The following OSBPL8 variants were observed in gnomAD, a reference collection of about 807,000 sequenced individuals.
The protein encoded by OSBPL8 is oxysterol-binding protein-related protein 8.
Under a neutral mutation model 125.5 loss-of-function variants are expected in OSBPL8, and 59 were observed. The ratio of observed to expected loss-of-function variants is 0.47; its 90% CI spans 0.38 to 0.58. The LOEUF (loss-of-function observed/expected upper bound fraction) is 0.58. Ranked by LOEUF, OSBPL8 falls within the 20% of genes least tolerant of loss-of-function variation. The probability of loss-of-function intolerance (pLI) is 0.00; values close to 1 mark genes in which losing one functional copy is unlikely to be tolerated. For missense variants in OSBPL8, 758 were observed against 1,047.8 expected, an observed-to-expected ratio of 0.72 and a Z score of 3.82; for synonymous variants, 330 against 338.9, an observed-to-expected ratio of 0.97 and a Z score of 0.29.
chr12:76,369,891 CCTCAAATCCCTTGTAGAGAA>C (rs2136190958), intron 19 of OSBPL8, 69 bp from the exon 20 acceptor site: 1 of 1,363,442 alleles, frequency 7.3e-7, no homozygotes, highest in African/African-American at 1.5e-5. Context: ...ATAGAATAGG[CCTCAAATCCCTTGTAGAGAA>C]AATAATGCTC....
chr12:76,475,080 T>G (rs1876639629), intron 2 of OSBPL8, among the ~76,000 whole-genome samples: 1 of 152,234 alleles, frequency 6.6e-6, no homozygotes, highest in Admixed American at 6.5e-5. Context: ...TGCTGAAATT[T>G]GAATCCTTCA....
At chr12:76,365,545 A>G (rs1011828135) in intron 21 of OSBPL8, among the ~76,000 whole-genome samples, 1 of 152,102 alleles carries the variant, frequency 6.6e-6, no homozygotes, top group Non-Finnish European at 1.5e-5. Context: ...GGATAATGTC[A>G]CCTGTTAATT....
At chr12:76,379,378 T>C (rs1037117267) in intron 15 of OSBPL8, among the ~76,000 whole-genome samples, 2 of 152,228 alleles carry the variant, frequency 1.3e-5, no homozygotes, top group Non-Finnish European at 2.9e-5. Context: ...TATTCTCAGC[T>C]TTACTGAAGT....
intron 1 of OSBPL8, among the ~76,000 whole-genome samples, chr12:76,534,450 T>C (rs900886439): frequency 2.0e-5 from 3 of 152,152 alleles, no homozygotes; most frequent in Non-Finnish European, 4.4e-5. Flanking sequence ...TCATATACTA[T>C]TGGAATCTAG....
chr12:76,390,559 T>C lies in OSBPL8; in HGVS notation c.1028A>G (p.Asp343Gly). 1 of 1,613,790 alleles carries C rather than the reference T, an allele frequency of 6.2e-7. No individual in the cohort carries two copies. The highest frequency in any genetic ancestry group is 8.5e-7 in the Non-Finnish European group (1 of 1,179,788). Residue 343 changes from aspartate (D) to glycine (G), a missense_variant, in exon 11 of 24, where the codon GAT becomes GGT. Asp to Gly is a moderately conservative substitution (Grantham distance 94, BLOSUM62 -1). Coordinates refer to ENST00000261183, the MANE Select transcript of OSBPL8 (RefSeq NM_020841.5). ...KENDQEHDES[D>G]NEVMGKSEES... ...TTCACTTTTCCCCATCACCTCATTATCAGACTCATCATGTTCTTGATCATT... is the reference window on the plus strand; with the variant it reads ...TTCACTTTTCCCCATCACCTCATTACCAGACTCATCATGTTCTTGATCATT...
rs549343897 is a variant in OSBPL8, at chr12:76,352,947, C to T, written c.*2942G>A. The T allele has an allele frequency of 3.9e-5, 6 of 152,422 alleles. No individual in the cohort carries two copies. In the South Asian group the frequency reaches 1.2e-3, roughly 32 times the overall value. The allele number at this position is 152,422 out of a possible 1,614,324, so 9.4% of individuals were successfully genotyped here. A position where few individuals can be genotyped will look rare whatever the true frequency, so the allele number is the denominator to read the frequency against. On this transcript the variant is annotated 3_prime_UTR_variant, in exon 24 of 24. Transcript: ENST00000261183. Reference sequence around the variant, plus strand: ...AGTAAAGAATAGGTAAATAGACAAACCCCTATAAAAGATAGTATTATTGTT... The same window carrying T: ...AGTAAAGAATAGGTAAATAGACAAATCCCTATAAAAGATAGTATTATTGTT...
chr12:76,394,085 C>T lies in OSBPL8; in HGVS notation c.757+560G>A, dbSNP rs1953690080. 2.0e-5 allele frequency among the ~76,000 whole-genome samples: 3 copies of T among 151,914 alleles called. No individual in the cohort carries two copies. In the South Asian group the frequency reaches 6.2e-4, roughly 32 times the overall value. On this transcript the variant is annotated intron_variant, in intron 9 of 23. Transcript: ENST00000261183. Reference sequence around the variant, plus strand: ...TAAACTTTGGAAGGTTAGAAGATTCCCTATACCAACCTTGTCTAAACTATG... The same window carrying T: ...TAAACTTTGGAAGGTTAGAAGATTCTCTATACCAACCTTGTCTAAACTATG...
chr12:76,473,287 T>C (rs1243968678), intron 2 of OSBPL8, among the ~76,000 whole-genome samples: 1 of 152,234 alleles, frequency 6.6e-6, no homozygotes, highest in Non-Finnish European at 1.5e-5. Context: ...AGATCTAGTA[T>C]AACTCTTATT....
intron 4 of OSBPL8, among the ~76,000 whole-genome samples, chr12:76,435,417 A>AT (rs1365497092): frequency 6.6e-6 from 1 of 152,094 alleles, no homozygotes. Flanking sequence ...AAATGGGGAG[A>AT]TATTAGTCAA....
chr12:76,535,317 C>CA lies in OSBPL8; in HGVS notation c.-68+24079dup, dbSNP rs200827191. Among the ~76,000 whole-genome samples, 951 of 149,704 alleles carry CA rather than the reference C, an allele frequency of 6.4e-3. 8 individuals are homozygous for CA. Among genetic ancestry groups the CA allele is most frequent in the African/African-American group, 0.022 (905 of 40,912 alleles). ...ATGAATAAAAGATTTAAACAATTTA[C>CA]AAAAAAAAATACAAATGGCTAATAA... On this transcript the variant is annotated intron_variant, in intron 1 of 23. Coordinates refer to ENST00000261183, the MANE Select transcript of OSBPL8 (RefSeq NM_020841.5).
At chr12:76,491,282 T>C (rs1475584383) in intron 1 of OSBPL8, among the ~76,000 whole-genome samples, 1 of 152,194 alleles carries the variant, frequency 6.6e-6, no homozygotes, top group East Asian at 1.9e-4. Flanking sequence ...ACCTACAACC[T>C]GAACTCTCAC....
intron 20 of OSBPL8, 133 bp from the exon 21 acceptor site, chr12:76,369,434 T>C (rs1364676267): frequency 7.1e-7 from 1 of 1,403,530 alleles, no homozygotes; most frequent in Non-Finnish European, 9.3e-7. Context: ...CCATACCTAA[T>C]CTTCAGATCC....
At chr12:76,493,318 T>C (rs910873977) in intron 1 of OSBPL8, among the ~76,000 whole-genome samples, 2 of 152,142 alleles carry the variant, frequency 1.3e-5, no homozygotes, top group Non-Finnish European at 2.9e-5. Flanking sequence ...GTTTTACTGG[T>C]GAGTTTTATA....
chr12:76,438,238 G>A (rs1198116421), intron 4 of OSBPL8, among the ~76,000 whole-genome samples: 1 of 151,568 alleles, frequency 6.6e-6, no homozygotes, highest in African/African-American at 2.4e-5. Flanking sequence ...CGCCCGCCTC[G>A]GCCTCCCAAA....
intron 16 of OSBPL8, 141 bp from the exon 17 acceptor site, chr12:76,375,511 T>C (rs931693981): frequency 1.7e-6 from 1 of 576,472 alleles, no homozygotes; most frequent in South Asian, 2.3e-5. Context: ...AACTATAATA[T>C]AGACATACAG....
At chr12:76,457,324 C>T (rs1033006681) in intron 3 of OSBPL8, among the ~76,000 whole-genome samples, 8 of 152,018 alleles carry the variant, frequency 5.3e-5, no homozygotes, top group Non-Finnish European at 7.4e-5. Flanking sequence ...GCAACGTGTA[C>T]GGTGTGTGTG....
chr12:76,476,026 G>C (rs1164104633), intron 2 of OSBPL8, among the ~76,000 whole-genome samples: 2 of 152,156 alleles, frequency 1.3e-5, no homozygotes, highest in Non-Finnish European at 2.9e-5. Flanking sequence ...GTTTACAACT[G>C]AGGAGACAGT....
chr12:76,515,641 C>T (rs1881460315), intron 1 of OSBPL8, among the ~76,000 whole-genome samples: 1 of 152,134 alleles, frequency 6.6e-6, no homozygotes, highest in Non-Finnish European at 1.5e-5. Flanking sequence ...CTGCCCACTG[C>T]AGTTCTGGGG....
At chr12:76,517,283 A>G (rs566634751) in intron 1 of OSBPL8, among the ~76,000 whole-genome samples, 1 of 152,276 alleles carries the variant, frequency 6.6e-6, no homozygotes, top group African/African-American at 2.4e-5. Context: ...GTGTGGAGGT[A>G]AGAGGCCTTT....
Sources: allele counts gnomAD v4.1 joint callset (sites outside exome capture counted in the v4.1 genomes callset), GRCh38; gene constraint gnomAD v4.1.1; transcripts MANE v1.5; gene names NCBI Gene and HGNC (gene_info 2026-07-23, HGNC 2026-07-21).